PPP3CA: variants seen among roughly 807,000 people sequenced by gnomAD.
PPP3CA encodes CAM-PRP catalytic subunit.
A neutral mutation model predicts 66.5 loss-of-function variants in PPP3CA; 14 were observed. The observed-to-expected ratio is 0.21, with a 90% CI of 0.14 to 0.33. The LOEUF is 0.33. Among genes scored for constraint, PPP3CA ranks in the 10% least tolerant of loss-of-function variants. The pLI is 1.00. For synonymous variants in PPP3CA, 232 were observed against 226.2 expected, an observed-to-expected ratio of 1.03 and a Z score of -0.23; for missense variants, 317 against 639.5, an observed-to-expected ratio of 0.50 and a Z score of 5.44.
chr4:101,181,080 TA>T (rs1252386426), intron 2 of PPP3CA, among the ~76,000 whole-genome samples: 1 of 152,096 alleles, frequency 6.6e-6, no homozygotes, highest in African/African-American at 2.4e-5. Context: ...TAAAATAGAA[TA>T]AGTGTTGCTT....
chr4:101,198,511 A>T (rs1724871182), intron 1 of PPP3CA, among the ~76,000 whole-genome samples: 1 of 152,172 alleles, frequency 6.6e-6, no homozygotes. Flanking sequence ...GGCTCTGCAT[A>T]ACTGTCAGGC....
intron 10 of PPP3CA, among the ~76,000 whole-genome samples, chr4:101,045,378 T>C (rs927780924): frequency 2.6e-5 from 4 of 152,194 alleles, no homozygotes; most frequent in African/African-American, 9.6e-5. Flanking sequence ...TAGCTTCAAA[T>C]CAGCTGTAGG....
intron 2 of PPP3CA, among the ~76,000 whole-genome samples, chr4:101,110,299 T>C (rs2110264641): frequency 6.6e-6 from 1 of 152,308 alleles, no homozygotes; most frequent in East Asian, 1.9e-4. Context: ...TTTTATTTCC[T>C]TACTTGACAA....
intron 1 of PPP3CA, among the ~76,000 whole-genome samples, chr4:101,211,126 G>A (rs964284418): frequency 6.6e-6 from 1 of 152,150 alleles, no homozygotes; most frequent in African/African-American, 2.4e-5. Flanking sequence ...ACAGAGAAAT[G>A]AAATGACTTT....
Position 101,026,040 on chromosome 4 carries a change from T to G in PPP3CA, c.1391A>C (p.Gln464Pro). The change falls in exon 14 of 14, where the codon CAA becomes CCA. Residue 464 changes from glutamine to proline, a missense_variant. Gln to Pro is a moderately conservative substitution (Grantham distance 76). Coordinates refer to ENST00000394854, the MANE Select transcript of PPP3CA (RefSeq NM_000944.5). ...TTCCTCGAAGCTAGTGATCTTATGTTGTGGTGAAAATCCTTTGATAGCTAA... is the reference window on the plus strand; with the variant it reads ...TTCCTCGAAGCTAGTGATCTTATGTGGTGGTGAAAATCCTTTGATAGCTAA... ...ADEAIKGFSP[Q>P]HKITSFEEAK... The G allele has an allele frequency of 6.3e-7, 1 of 1,599,594 alleles. No individual in the cohort carries two copies. The highest frequency in any genetic ancestry group is 8.5e-7 in the Non-Finnish European group (1 of 1,175,094).
chr4:101,247,706 T>C (rs1726533978), intron 1 of PPP3CA, among the ~76,000 whole-genome samples: 1 of 152,178 alleles, frequency 6.6e-6, no homozygotes, highest in East Asian at 1.9e-4. Flanking sequence ...TCAATGTAGG[T>C]ATTTCAACAA....
intron 1 of PPP3CA, among the ~76,000 whole-genome samples, chr4:101,332,745 C>T (rs934144686): frequency 2.6e-5 from 4 of 152,158 alleles, no homozygotes; most frequent in South Asian, 2.1e-4. Flanking sequence ...AAATTAGTAT[C>T]GTTTCCAAAT....
intron 6 of PPP3CA, among the ~76,000 whole-genome samples, chr4:101,085,596 T>C (rs938322872): frequency 2.0e-5 from 3 of 152,180 alleles, no homozygotes; most frequent in African/African-American, 7.2e-5. Flanking sequence ...TCAGACATTT[T>C]CAAAACATAT....
At chr4:101,175,444 A>G (rs1324752216) in intron 2 of PPP3CA, among the ~76,000 whole-genome samples, 1 of 152,174 alleles carries the variant, frequency 6.6e-6, no homozygotes, top group Non-Finnish European at 1.5e-5. Context: ...ATTTGCTCCA[A>G]GATTATTCCA....
intron 1 of PPP3CA, among the ~76,000 whole-genome samples, chr4:101,341,116 T>A (rs1729799705): frequency 6.6e-6 from 1 of 151,926 alleles, no homozygotes; most frequent in Non-Finnish European, 1.5e-5. Context: ...CTATTTTACA[T>A]AGTTAATTAT....
intron 10 of PPP3CA, among the ~76,000 whole-genome samples, chr4:101,050,574 G>A (rs1343593671): frequency 6.6e-6 from 1 of 152,098 alleles, no homozygotes; most frequent in Non-Finnish European, 1.5e-5. Context: ...CATGGAGATG[G>A]TACTGCTAGT....
chr4:101,346,978 C>T lies in PPP3CA; in HGVS notation c.-182G>A. ...TTGCTGCCTTTTCCGCGCGTCCCTC[C>T]TCCGCCGCCGCCGCCTTCACTCCTC... On this transcript the variant is annotated 5_prime_UTR_variant, in exon 1 of 14. Transcript: ENST00000394854. 1.5e-6 allele frequency: 1 copy of T among 666,976 alleles called. No individual in the cohort carries two copies. The highest frequency in any genetic ancestry group is 2.7e-5 in the Admixed American group (1 of 36,606). The allele number at this position is 666,976 out of a possible 1,614,324, so 41.3% of individuals were successfully genotyped here.
At chr4:101,068,279 T>G in intron 8 of PPP3CA, among the ~76,000 whole-genome samples, 1 of 152,176 alleles carries the variant, frequency 6.6e-6, no homozygotes, top group South Asian at 2.1e-4. Flanking sequence ...ACCCAGGATG[T>G]TTTTTCCTTC....
intron 1 of PPP3CA, among the ~76,000 whole-genome samples, chr4:101,319,142 C>A (rs1311143200): frequency 7.0e-6 from 1 of 143,232 alleles, no homozygotes. Context: ...GGCTCTTAAA[C>A]GTGAAGAATT....
intron 1 of PPP3CA, among the ~76,000 whole-genome samples, chr4:101,290,253 C>A (rs886898194): frequency 6.6e-6 from 1 of 152,164 alleles, no homozygotes; most frequent in Non-Finnish European, 1.5e-5. Context: ...AAGATCATTT[C>A]TGTTACCTCT....
At chr4:101,305,479 A>C (rs1560708758) in intron 1 of PPP3CA, among the ~76,000 whole-genome samples, 1 of 152,186 alleles carries the variant, frequency 6.6e-6, no homozygotes, top group Non-Finnish European at 1.5e-5. Context: ...AGCAACTTTT[A>C]ATCATAAAGT....
At chr4:101,049,429 G>A (rs1054232739) in intron 10 of PPP3CA, among the ~76,000 whole-genome samples, 5 of 151,656 alleles carry the variant, frequency 3.3e-5, no homozygotes, top group African/African-American at 1.2e-4. Flanking sequence ...CCCCTTTATC[G>A]TGACAAAAAC....
At chr4:101,212,545 G>T (rs1725329198) in intron 1 of PPP3CA, among the ~76,000 whole-genome samples, 1 of 152,036 alleles carries the variant, frequency 6.6e-6, no homozygotes, top group South Asian at 2.1e-4. Context: ...GATGATCTGT[G>T]CAGCAAACCA....
At chr4:101,314,373 G>A (rs1405612185) in intron 1 of PPP3CA, among the ~76,000 whole-genome samples, 1 of 151,784 alleles carries the variant, frequency 6.6e-6, no homozygotes, top group Admixed American at 6.6e-5. Flanking sequence ...GACCATCCTG[G>A]CTAACATGGT....
Sources: allele counts gnomAD v4.1 joint callset (sites outside exome capture counted in the v4.1 genomes callset), GRCh38; gene constraint gnomAD v4.1.1; transcripts MANE v1.5; gene names NCBI Gene and HGNC (gene_info 2026-07-23, HGNC 2026-07-21).